The following TAF5L variants were observed in gnomAD, a reference collection of about 807,000 sequenced individuals.
TAF5L encodes the protein TATA-box binding protein associated factor 5 like.
Under a neutral mutation model 51.3 loss-of-function variants are expected in TAF5L, and 7 were observed. The observed-to-expected ratio is 0.14, with a 90% CI of 0.08 to 0.26. The LOEUF is 0.26. Ranked by LOEUF, TAF5L falls within the 10% of genes least tolerant of loss-of-function variation. The pLI, the probability that TAF5L is intolerant of heterozygous loss-of-function variation, is 1.00. For synonymous variants in TAF5L, 291 were observed against 308.1 expected, an observed-to-expected ratio of 0.94 and a Z score of 0.58; for missense variants, 575 against 758.9, an observed-to-expected ratio of 0.76 and a Z score of 2.85.
At chr1:229,610,822 G>A (rs1664760608) in intron 2 of TAF5L, among the ~76,000 whole-genome samples, 1 of 151,982 alleles carries the variant, frequency 6.6e-6, no homozygotes, top group Admixed American at 6.6e-5. Context: ...TACCTAATGA[G>A]TTTTTATTTT....
intron 3 of TAF5L, chr1:229,607,085 C>CT: frequency 3.0e-6 from 3 of 985,440 alleles, no homozygotes; most frequent in Non-Finnish European, 3.6e-6. Context: ...TAGGATGCCA[C>CT]TGTCATGACA....
At chr1:229,609,575 G>A (rs1664715296) in intron 3 of TAF5L, among the ~76,000 whole-genome samples, 2 of 152,052 alleles carry the variant, frequency 1.3e-5, no homozygotes, top group African/African-American at 2.4e-5. Flanking sequence ...TCAAAAACTG[G>A]TCTAAATGAC....
chr1:229,622,787 T>A (rs1665263419), intron 1 of TAF5L, among the ~76,000 whole-genome samples: 2 of 151,178 alleles, frequency 1.3e-5, no homozygotes, highest in Admixed American at 1.3e-4. Flanking sequence ...AAAAAAAAAA[T>A]TTTTTTTTGT....
Position 229,614,590 on chromosome 1 carries a change from C to G in TAF5L, c.-3-105G>C, listed in dbSNP as rs930662036. On this transcript the variant is annotated intron_variant, in intron 1 of 4. Transcript: ENST00000258281. ...GGTAGGACACATGGGAGAGAAAGAC[C>G]AGCCATGTGGCTAAGTGGCCTAGTT... 54 of 1,458,566 alleles carry G rather than the reference C, an allele frequency of 3.7e-5. 1 individual carries two copies. The African/African-American group carries it at 5.1e-4, about 14-fold the overall frequency. 90.4% of individuals were successfully genotyped at this position (1,458,566 alleles called of 1,614,324 possible). A position where few individuals can be genotyped will look rare whatever the true frequency, so the allele number is the denominator to read the frequency against.
At chr1:229,614,170 C>T (rs1664888399) in intron 2 of TAF5L, 171 bp downstream of exon 2, 1 of 1,043,234 alleles carries the variant, frequency 9.6e-7, no homozygotes, top group South Asian at 1.4e-5. Flanking sequence ...CTCTAAATGA[C>T]AGACAGGGTC....
chr1:229,610,023 C>T (rs1664731562), intron 3 of TAF5L, 83 bp downstream of exon 3: 1 of 1,137,396 alleles, frequency 8.8e-7, no homozygotes, highest in South Asian at 1.3e-5. Context: ...TGGAGCAGGG[C>T]TAACTCACAA....
intron 3 of TAF5L, chr1:229,607,410 A>C: frequency 3.0e-6 from 3 of 985,412 alleles, no homozygotes; most frequent in Non-Finnish European, 3.6e-6. Context: ...CTCCAGCCTG[A>C]AACCCCCATT....
At chr1:229,624,374 C>T (rs948509622) in intron 1 of TAF5L, among the ~76,000 whole-genome samples, 2 of 152,122 alleles carry the variant, frequency 1.3e-5, no homozygotes, top group African/African-American at 2.4e-5. Flanking sequence ...GAAGAATTTA[C>T]GATTCATTAA....
chr1:229,616,604 T>C (rs901073446), intron 1 of TAF5L, among the ~76,000 whole-genome samples: 1 of 152,194 alleles, frequency 6.6e-6, no homozygotes, highest in Non-Finnish European at 1.5e-5. Flanking sequence ...ACAAATGTTT[T>C]GCCCAGTGAC....
intron 4 of TAF5L, among the ~76,000 whole-genome samples, chr1:229,598,193 A>C (rs952551072): frequency 2.6e-5 from 4 of 152,234 alleles, no homozygotes; most frequent in African/African-American, 9.6e-5. Flanking sequence ...ACTTAGGACC[A>C]AAAGAGATGT....
chr1:229,600,780 T>A (rs777736734), intron 4 of TAF5L: 13 of 985,440 alleles, frequency 1.3e-5, no homozygotes, highest in Non-Finnish European at 1.6e-5. Context: ...TTACCAGTAG[T>A]GGCCAGAGTC....
chr1:229,621,837 G>C (rs977837509), intron 1 of TAF5L, among the ~76,000 whole-genome samples: 2 of 152,094 alleles, frequency 1.3e-5, no homozygotes, highest in Non-Finnish European at 2.9e-5. Flanking sequence ...TTAAACACCA[G>C]TGTCTGTGAT....
At chr1:229,609,040 A>G (rs1388495727) in intron 3 of TAF5L, among the ~76,000 whole-genome samples, 2 of 152,190 alleles carry the variant, frequency 1.3e-5, no homozygotes, top group Non-Finnish European at 2.9e-5. Context: ...GGCTTCTTTG[A>G]GCCTGTCTCC....
At chr1:229,623,042 T>G (rs1665273766) in intron 1 of TAF5L, among the ~76,000 whole-genome samples, 1 of 152,182 alleles carries the variant, frequency 6.6e-6, no homozygotes, top group South Asian at 2.1e-4. Flanking sequence ...TTTGGGAGGC[T>G]GAGGTGGGTG....
chr1:229,622,068 T>G (rs145097579), intron 1 of TAF5L, among the ~76,000 whole-genome samples: 2 of 147,558 alleles, frequency 1.4e-5, no homozygotes, highest in Non-Finnish European at 3.0e-5. Context: ...TATCTATCTA[T>G]ACAGATAGAT....
At chr1:229,606,186 A>ATAGGTTTATACC in intron 3 of TAF5L, 1 of 985,294 alleles carries the variant, frequency 1.0e-6, no homozygotes, top group Non-Finnish European at 1.2e-6. Context: ...TCTGAAGAGA[A>ATAGGTTTATACC]CAGTATGCTG....
chr1:229,602,179 A>C lies in TAF5L; in HGVS notation c.972+16T>G. On this transcript the variant is annotated intron_variant, in intron 4 of 4. Coordinates refer to ENST00000258281, the Ensembl canonical transcript of TAF5L. This position sits in a 1 kb window ranked among gnomAD's most constrained non-coding sequence, Gnocchi z 4.6. The stretch of plus-strand genomic sequence containing the variant: ...TAGGAAGGCGGGTGCAGGGAAGAAA[A>C]AAATGGTATTCATACCTCCTCCTCC... 1 of 1,603,406 alleles carries C rather than the reference A, an allele frequency of 6.2e-7. No individual in the cohort carries two copies. The highest frequency in any genetic ancestry group is 1.1e-5 in the South Asian group (1 of 90,264).
At chr1:229,606,355 T>C (rs1664595623) in intron 3 of TAF5L, 1 of 934,018 alleles carries the variant, frequency 1.1e-6, no homozygotes, top group Non-Finnish European at 1.3e-6. Context: ...GTAACAAACA[T>C]ATCCTCTGAA....
At position 229,612,567 on chromosome 1, in the gene TAF5L, A is replaced by C. The variant is rs540716808; in HGVS notation, c.142+1774T>G. Among the ~76,000 whole-genome samples, 5 of 152,316 alleles carry C rather than the reference A, an allele frequency of 3.3e-5. No individual in the cohort carries two copies. In the East Asian group the frequency reaches 7.7e-4, roughly 23 times the overall value. ...TCAAGGGTATCTCTGAGGAGTTTGA[A>C]GGCAAGGAATAATGGGTGGATCCAA... On this transcript the variant is annotated intron_variant, in intron 2 of 4. Coordinates refer to ENST00000258281, the Ensembl canonical transcript of TAF5L.
Sources: gnomAD v4.1 joint callset for allele counts (sites outside exome capture counted in the v4.1 genomes callset) on GRCh38, gnomAD v4.1.1 for gene constraint, Gnocchi (gnomAD v3.1) non-coding constraint, MANE v1.5 for transcripts, NCBI Gene and HGNC (gene_info 2026-07-23, HGNC 2026-07-21) for gene names.